The following GALNT14 variants were observed in gnomAD, a reference collection of about 807,000 sequenced individuals.
GALNT14 encodes polypeptide N-acetylgalactosaminyltransferase 14.
A neutral mutation model predicts 77.5 loss-of-function variants in GALNT14; 60 were observed. That is an observed-to-expected ratio of 0.77 (90% CI 0.63 to 0.96). The LOEUF (loss-of-function observed/expected upper bound fraction) is 0.96, where lower values mean the gene tolerates loss of function less well. Ranked by LOEUF, GALNT14 falls within the 40% of genes least tolerant of loss-of-function variation. The pLI is 0.00. For synonymous variants in GALNT14, 280 were observed against 281.7 expected (o/e 0.99, Z 0.06); for missense variants, 710 against 731.0 (o/e 0.97, Z 0.33).
intron 13 of GALNT14, among the ~76,000 whole-genome samples, chr2:30,916,439 T>C (rs532819256): frequency 2.0e-5 from 3 of 152,298 alleles, no homozygotes; most frequent in African/African-American, 7.2e-5. Flanking sequence ...GCTGTAGCCA[T>C]GGAAGGGCAA....
chr2:31,101,223 A>G (rs1046952155), intron 1 of GALNT14, among the ~76,000 whole-genome samples: 10 of 152,162 alleles, frequency 6.6e-5, no homozygotes, highest in East Asian at 1.9e-4. Context: ...ATATAAAACC[A>G]TATATGCATT....
chr2:30,972,093 G>T (rs1668390642), intron 2 of GALNT14, among the ~76,000 whole-genome samples: 1 of 152,204 alleles, frequency 6.6e-6, no homozygotes, highest in South Asian at 2.1e-4. Flanking sequence ...AAACATTCAG[G>T]ATTTTATTCT....
At chr2:30,888,640 C>T in the GALNT14 span, among the ~76,000 whole-genome samples, 12 of 151,724 alleles carry the variant, frequency 7.9e-5, no homozygotes, top group Middle Eastern at 3.4e-3. Flanking sequence ...GTTGGGAGGC[C>T]GGGGGTGGGG....
At chr2:31,051,847 T>G (rs1160810398) in intron 1 of GALNT14, among the ~76,000 whole-genome samples, 3 of 152,160 alleles carry the variant, frequency 2.0e-5, no homozygotes. Flanking sequence ...GAGGATGTCT[T>G]TCCTTGTACT....
chr2:30,922,545 G>A (rs1448442186), intron 13 of GALNT14, among the ~76,000 whole-genome samples: 1 of 152,182 alleles, frequency 6.6e-6, no homozygotes, highest in Non-Finnish European at 1.5e-5. Context: ...TAGCACCCTT[G>A]CTCAGCTCCA....
intron 2 of GALNT14, among the ~76,000 whole-genome samples, chr2:30,980,351 G>A (rs1668911434): frequency 6.6e-6 from 1 of 152,224 alleles, no homozygotes; most frequent in Non-Finnish European, 1.5e-5. Context: ...AACTGTTGCT[G>A]GTCCTGATGC....
At chr2:30,969,579 G>A (rs1164073463) in intron 2 of GALNT14, among the ~76,000 whole-genome samples, 1 of 152,232 alleles carries the variant, frequency 6.6e-6, no homozygotes, top group Non-Finnish European at 1.5e-5. Flanking sequence ...ACTCTGCCTG[G>A]AGTGGCAAAG....
intron 8 of GALNT14, among the ~76,000 whole-genome samples, chr2:30,944,417 T>C (rs1666563894): frequency 6.6e-6 from 1 of 152,224 alleles, no homozygotes; most frequent in Non-Finnish European, 1.5e-5. Context: ...GCTGTGCTTA[T>C]GAATATGTCA....
At chr2:31,013,230 A>T (rs1671147715) in intron 1 of GALNT14, among the ~76,000 whole-genome samples, 1 of 152,154 alleles carries the variant, frequency 6.6e-6, no homozygotes, top group Non-Finnish European at 1.5e-5. Context: ...CCTGAAGCAG[A>T]GAAACAGATG....
At chr2:30,944,756 G>T in intron 8 of GALNT14, 102 bp downstream of exon 8, 1 of 928,534 alleles carries the variant, frequency 1.1e-6, no homozygotes, top group Non-Finnish European at 1.6e-6. Context: ...GGCTCCCTTT[G>T]TCTGCTTGAT....
chr2:30,953,266 A>G (rs1667147637), intron 6 of GALNT14, among the ~76,000 whole-genome samples: 2 of 151,504 alleles, frequency 1.3e-5, no homozygotes, highest in Admixed American at 6.6e-5. Context: ...GAGGTGCTCA[A>G]ATGTTTTCCA....
At chr2:31,107,187 C>T (rs556358361) in intron 1 of GALNT14, among the ~76,000 whole-genome samples, 1 of 152,342 alleles carries the variant, frequency 6.6e-6, no homozygotes, top group African/African-American at 2.4e-5. Flanking sequence ...TGCACCTCCT[C>T]TGCTTCTCTG....
intron 1 of GALNT14, among the ~76,000 whole-genome samples, chr2:31,020,739 G>A (rs753895155): frequency 6.6e-6 from 1 of 152,050 alleles, no homozygotes; most frequent in Non-Finnish European, 1.5e-5. Flanking sequence ...CATATCATAC[G>A]GCTTACAGAG....
rs565225297 is a variant in GALNT14 at position 30,942,944 on chromosome 2, A to G, written c.828-640T>C. Among the ~76,000 whole-genome samples the G allele has an allele frequency of 4.6e-5, 7 of 152,332 alleles. No homozygotes were observed. In the South Asian group the frequency reaches 1.5e-3, roughly 32 times the overall value. ...AAGTTAAAATGAGGTAATGAGCCCA[A>G]TATGACTGGTGTCCTTATAAAAAGG... On this transcript the variant is annotated intron_variant, in intron 8 of 14. Coordinates refer to ENST00000349752, the MANE Select transcript of GALNT14 (RefSeq NM_024572.4).
At chr2:31,035,616 CCT>C (rs113526849) in intron 1 of GALNT14, among the ~76,000 whole-genome samples, 897 of 37,842 alleles carry the variant, frequency 0.024, 19 homozygotes, top group African/African-American at 0.12. Flanking sequence ...CACACACACA[CCT>C]ACACACACAC....
intron 1 of GALNT14, among the ~76,000 whole-genome samples, chr2:31,082,094 C>T (rs1275552700): frequency 6.6e-6 from 1 of 152,208 alleles, no homozygotes; most frequent in Non-Finnish European, 1.5e-5. Context: ...GTAAGGCCAA[C>T]CACGCACCAA....
chr2:30,997,345 C>T (rs549027910), intron 1 of GALNT14, among the ~76,000 whole-genome samples: 2 of 152,324 alleles, frequency 1.3e-5, no homozygotes, highest in South Asian at 4.1e-4. Context: ...CCAGCCTCCT[C>T]CCTGACTCTG....
chr2:31,040,317 T>C (rs1252106259), intron 1 of GALNT14, among the ~76,000 whole-genome samples: 1 of 152,210 alleles, frequency 6.6e-6, no homozygotes, highest in African/African-American at 2.4e-5. Flanking sequence ...GTATATGTCC[T>C]AGCCTCAGAG....
intron 1 of GALNT14, among the ~76,000 whole-genome samples, chr2:31,027,595 GA>G (rs1002441779): frequency 6.6e-6 from 1 of 152,132 alleles, no homozygotes; most frequent in Non-Finnish European, 1.5e-5. Context: ...GCAACTTTAG[GA>G]AGAAACCTGG....
Sources: gnomAD v4.1 joint callset for allele counts (sites outside exome capture counted in the v4.1 genomes callset) on GRCh38, gnomAD v4.1.1 for gene constraint, MANE v1.5 for transcripts, NCBI Gene and HGNC (gene_info 2026-07-23, HGNC 2026-07-21) for gene names.